Variants in ADGRL3 observed in about 807,000 individuals in gnomAD.
ADGRL3 encodes adhesion G protein-coupled receptor L3.
Under a neutral mutation model 153.5 loss-of-function variants are expected in ADGRL3, and 62 were observed. That is an observed-to-expected ratio of 0.40 (90% CI 0.33 to 0.50). The LOEUF (loss-of-function observed/expected upper bound fraction) is 0.50. ADGRL3 is among the 20% of genes least tolerant of loss of function. ADGRL3 has a pLI of 0.47. For synonymous variants in ADGRL3, 710 were observed against 672.5 expected, an observed-to-expected ratio of 1.06 and a Z score of -0.86; for missense variants, 1,641 against 1,859.4, an observed-to-expected ratio of 0.88 and a Z score of 2.16.
intron 5 of ADGRL3, among the ~76,000 whole-genome samples, chr4:61,660,166 G>T (rs1467060028): frequency 6.6e-6 from 1 of 152,098 alleles, no homozygotes; most frequent in South Asian, 2.1e-4. Flanking sequence ...CTTTCTTCGT[G>T]TATGCATACC....
chr4:61,273,559 G>A (rs944161890), intron 1 of ADGRL3, among the ~76,000 whole-genome samples: 2 of 152,044 alleles, frequency 1.3e-5, no homozygotes, highest in African/African-American at 2.4e-5. Flanking sequence ...CCTAGCCAAC[G>A]TTAAAAGAAA....
chr4:61,809,176 G>A (rs375946310), intron 8 of ADGRL3, among the ~76,000 whole-genome samples: 1 of 152,030 alleles, frequency 6.6e-6, no homozygotes, highest in South Asian at 2.1e-4. Context: ...ATAGAAAATG[G>A]CGAAAAGTTG....
intron 8 of ADGRL3, among the ~76,000 whole-genome samples, chr4:61,800,131 GC>G (rs796285357): frequency 6.6e-5 from 10 of 152,206 alleles, no homozygotes; most frequent in African/African-American, 2.4e-4. Context: ...AATTTACTTG[GC>G]TCAGCCTTGT....
At chr4:61,668,960 A>C (rs972535122) in intron 5 of ADGRL3, among the ~76,000 whole-genome samples, 9 of 152,298 alleles carry the variant, frequency 5.9e-5, no homozygotes, top group Non-Finnish European at 1.2e-4. Context: ...TCGAAGATGC[A>C]GTGAGTTAAG....
Position 61,775,970 on chromosome 4 carries a change from G to T in ADGRL3, c.1400-37839G>T, listed in dbSNP as rs371892854. 30 of 167,380 alleles carry T rather than the reference G, an allele frequency of 1.8e-4. No individual in the cohort carries two copies. The South Asian group carries it at 5.5e-3, about 31-fold the overall frequency. The allele number at this position is 167,380 out of a possible 1,614,324, so 10.4% of individuals were successfully genotyped here. A position where few individuals can be genotyped will look rare whatever the true frequency, so the allele number is the denominator to read the frequency against. On this transcript the variant is annotated intron_variant, in intron 8 of 26. Coordinates refer to ENST00000683033, the MANE Select transcript of ADGRL3 (RefSeq NM_001387552.1). Reference sequence around the variant, plus strand: ...GGCTGGAGTGCAGTGGCACGATCTCGGCTCACTGCAAGCTCCGCCTCGAGG... The same window carrying T: ...GGCTGGAGTGCAGTGGCACGATCTCTGCTCACTGCAAGCTCCGCCTCGAGG...
chr4:61,798,998 AG>A (rs2097450500), intron 8 of ADGRL3, among the ~76,000 whole-genome samples: 2 of 66,224 alleles, frequency 3.0e-5, no homozygotes, highest in East Asian at 4.6e-4. Context: ...ATATATAAAC[AG>A]TATATATATA....
At chr4:61,871,539 C>T (rs1306939037) in intron 9 of ADGRL3, among the ~76,000 whole-genome samples, 1 of 152,014 alleles carries the variant, frequency 6.6e-6, no homozygotes, top group African/African-American at 2.4e-5. Flanking sequence ...CTGTATGATT[C>T]CATTTATATG....
chr4:61,580,584 T>G (rs1398205236), intron 4 of ADGRL3, among the ~76,000 whole-genome samples: 1 of 152,140 alleles, frequency 6.6e-6, no homozygotes, highest in Non-Finnish European at 1.5e-5. Flanking sequence ...ACACAGTTTC[T>G]GTAGGTTAGG....
intron 1 of ADGRL3, among the ~76,000 whole-genome samples, chr4:61,347,766 T>A (rs1578372600): frequency 6.6e-6 from 1 of 152,298 alleles, no homozygotes; most frequent in East Asian, 1.9e-4. Flanking sequence ...TGTTTTCATT[T>A]ACTCACATTT....
chr4:61,545,775 A>C (rs141131605), intron 4 of ADGRL3, among the ~76,000 whole-genome samples: 1 of 152,122 alleles, frequency 6.6e-6, no homozygotes, highest in Non-Finnish European at 1.5e-5. Context: ...TCGGCCTCCC[A>C]AAGTGCTGGG....
At chr4:61,829,992 C>A (rs1010931266) in intron 9 of ADGRL3, among the ~76,000 whole-genome samples, 1 of 151,610 alleles carries the variant, frequency 6.6e-6, no homozygotes, top group Non-Finnish European at 1.5e-5. Context: ...CATAACAAGT[C>A]TCCCATCTCT....
chr4:61,408,074 G>A (rs76714351), intron 2 of ADGRL3, among the ~76,000 whole-genome samples: 5,623 of 152,096 alleles, frequency 0.037, 121 homozygotes, highest in South Asian at 0.087. Flanking sequence ...CCACGCGAGG[G>A]AAGAGGAAAG....
chr4:61,298,233 C>G (rs185306470), intron 1 of ADGRL3, among the ~76,000 whole-genome samples: 2 of 152,076 alleles, frequency 1.3e-5, no homozygotes, highest in African/African-American at 4.8e-5. Context: ...TATGCTTCCC[C>G]CTCGCCCCCC....
chr4:62,021,636 A>G lies in ADGRL3; in HGVS notation c.3396-7219A>G, dbSNP rs531750818. On this transcript the variant is annotated intron_variant, in intron 21 of 26. Transcript: ENST00000683033. The stretch of plus-strand genomic sequence containing the variant: ...CAAGTCTATCAGTGCCATTTTTCCA[A>G]CAGCATGTGCTTACTTCATAGATCT... 5.9e-5 allele frequency among the ~76,000 whole-genome samples: 9 copies of G among 152,234 alleles called. No homozygotes were observed. In the East Asian group the frequency reaches 1.7e-3, roughly 29 times the overall value.
chr4:61,570,569 C>G (rs1319993506), intron 4 of ADGRL3, among the ~76,000 whole-genome samples: 7 of 152,116 alleles, frequency 4.6e-5, no homozygotes, highest in Non-Finnish European at 1.0e-4. Flanking sequence ...TCTGAAACAC[C>G]TCCCTATCTT....
chr4:61,403,919 T>C (rs1340455029), intron 2 of ADGRL3, among the ~76,000 whole-genome samples: 4 of 152,040 alleles, frequency 2.6e-5, no homozygotes, highest in Admixed American at 2.6e-4. Context: ...AGTAGTATAG[T>C]GAGAAAACAG....
At chr4:61,450,096 C>T (rs1429582589) in intron 2 of ADGRL3, among the ~76,000 whole-genome samples, 1 of 152,168 alleles carries the variant, frequency 6.6e-6, no homozygotes, top group Non-Finnish European at 1.5e-5. Context: ...TGCAGGCTTG[C>T]TCAGGGACGG....
chr4:61,582,343 C>T (rs112797034), intron 4 of ADGRL3, among the ~76,000 whole-genome samples: 49 of 152,038 alleles, frequency 3.2e-4, no homozygotes, highest in Admixed American at 1.3e-3. Context: ...TCCCTCCCCC[C>T]GCTCCTGCCT....
At chr4:61,762,575 G>A (rs1360023404) in intron 8 of ADGRL3, among the ~76,000 whole-genome samples, 1 of 152,112 alleles carries the variant, frequency 6.6e-6, no homozygotes, top group South Asian at 2.1e-4. Flanking sequence ...TTTAACTAGT[G>A]TGACAATAAA....
Sources: gnomAD v4.1 joint callset for allele counts (sites outside exome capture counted in the v4.1 genomes callset) on GRCh38, gnomAD v4.1.1 for gene constraint, MANE v1.5 for transcripts, NCBI Gene and HGNC (gene_info 2026-07-23, HGNC 2026-07-21) for gene names.